The following FZR1 variants were observed in gnomAD, a reference collection of about 807,000 sequenced individuals.
FZR1 encodes fizzy and cell division cycle 20 related 1.
A neutral mutation model predicts 63.6 loss-of-function variants in FZR1; 11 were observed. The ratio of observed to expected loss-of-function variants is 0.17; its 90% confidence interval spans 0.11 to 0.29. The LOEUF is 0.29. FZR1 is among the 10% of genes least tolerant of loss of function. FZR1 has a pLI of 1.00. For synonymous variants in FZR1, 328 were observed against 297.9 expected (o/e 1.10, Z -1.04); for missense variants, 440 against 687.5 (o/e 0.64, Z 4.03).
Position 3,535,121 on chromosome 19 carries a change from T to C in FZR1, c.*285T>C. 2 of 504,726 alleles carry C rather than the reference T, an allele frequency of 4.0e-6. No individual in the cohort carries two copies. The highest frequency in any genetic ancestry group is 7.2e-6 in the Non-Finnish European group (2 of 278,070). 31.3% of individuals were successfully genotyped at this position (504,726 alleles called of 1,614,324 possible). On this transcript the variant is annotated 3_prime_UTR_variant, in exon 14 of 14. Coordinates refer to ENST00000441788, the MANE Select transcript of FZR1 (RefSeq NM_016263.4). ...TTGGACGGTCCCGGCTCAGACCGTCTGTACTCAGAGCGACGGATGCCCCCT... is the reference window on the plus strand; with the variant it reads ...TTGGACGGTCCCGGCTCAGACCGTCCGTACTCAGAGCGACGGATGCCCCCT...
rs548619312 is a variant in FZR1 at position 3,531,377 on chromosome 19, G to A, written c.721-337G>A. 5.3e-5 allele frequency among the ~76,000 whole-genome samples: 8 copies of A among 152,316 alleles called. No homozygotes were observed. In the East Asian group the frequency reaches 5.8e-4, roughly 11 times the overall value. On this transcript the variant is annotated intron_variant, in intron 8 of 13. Coordinates refer to ENST00000441788, the MANE Select transcript of FZR1 (RefSeq NM_016263.4). ...CTCAAAGTCAGTTGCAGACAGCAAC[G>A]CATGTTGCCCAGCTCCTGGGCCTGT...
At chr19:3,530,893 C>G (rs773183764) in intron 8 of FZR1, 36 bp downstream of exon 8, 2 of 1,530,120 alleles carry the variant, frequency 1.3e-6, no homozygotes, top group Non-Finnish European at 1.8e-6. Flanking sequence ...CCTGGGAGAT[C>G]TGATGGGGCT....
In FZR1 at chr19:3,527,697, G is replaced by C; in HGVS notation, c.537G>C (p.Leu179=). The change falls in exon 7 of 14, where the codon CTG becomes CTC. Residue 179 remains leucine, a synonymous_variant. Transcript: ENST00000441788. ...RKISKIPFKV[L]DAPELQDDFY... ...TCTCCAAGATCCCCTTCAAGGTGCT[G>C]GACGCGCCCGAGCTGCAGGACGACT... The C allele has an allele frequency of 6.2e-7, 1 of 1,612,452 alleles. No individual in the cohort carries two copies.
At position 3,537,240 on chromosome 19, in the gene FZR1, G is replaced by A. The variant is rs556428341; in HGVS notation, c.*2404G>A. On this transcript the variant is annotated 3_prime_UTR_variant, in exon 14 of 14. Transcript: ENST00000441788. ...GAGGAGGTGGAGGGGCCCCAGGGGAGTGTACGTCAGGCTTTGCGGGGCACG... is the reference window on the plus strand; with the variant it reads ...GAGGAGGTGGAGGGGCCCCAGGGGAATGTACGTCAGGCTTTGCGGGGCACG... The A allele has an allele frequency of 6.6e-6, 1 of 152,514 alleles. No homozygotes were observed. The highest frequency in any genetic ancestry group is 2.1e-4 in the South Asian group (1 of 4,836). The allele number at this position is 152,514 out of a possible 1,614,324, so 9.4% of individuals were successfully genotyped here.
chr19:3,507,549 C>G (rs2082993739), intron 1 of FZR1, among the ~76,000 whole-genome samples: 1 of 152,168 alleles, frequency 6.6e-6, no homozygotes, highest in Admixed American at 6.5e-5. Flanking sequence ...CCGCCCCAGT[C>G]TACCGGGCGA....
chr19:3,523,963 G>A (rs1458456890), intron 2 of FZR1, among the ~76,000 whole-genome samples: 1 of 152,240 alleles, frequency 6.6e-6, no homozygotes, highest in Non-Finnish European at 1.5e-5. Flanking sequence ...GCCCCCACAG[G>A]GCAGAGCCAG....
At chr19:3,532,306 A>G (rs985116833) in intron 10 of FZR1, 111 bp from the exon 11 acceptor site, 25 of 894,288 alleles carry the variant, frequency 2.8e-5, no homozygotes, top group Non-Finnish European at 3.8e-5. Flanking sequence ...TTGAGGGAGC[A>G]GCAGGAGGAG....
rs893787793 is a variant in FZR1, at chr19:3,520,705, C to T, written c.-34-2251C>T. The stretch of plus-strand genomic sequence containing the variant: ...GGCTCTTGCAGAAGAAACAGCCCTG[C>T]GGTTGATCCTATCTCCAACCCCAGG... On this transcript the variant is annotated intron_variant, in intron 1 of 13. Coordinates refer to ENST00000441788, the MANE Select transcript of FZR1 (RefSeq NM_016263.4). Among the ~76,000 whole-genome samples, 5 of 152,234 alleles carry T rather than the reference C, an allele frequency of 3.3e-5. No homozygotes were observed. In the South Asian group the frequency reaches 6.2e-4, roughly 19 times the overall value.
Position 3,523,008 on chromosome 19 carries a change from C to CGGCG in FZR1, c.20_23dup (p.Leu9AlafsTer11). The CGGCG allele has an allele frequency of 6.2e-7, 1 of 1,611,440 alleles. No individual in the cohort carries two copies. Among genetic ancestry groups the CGGCG allele is most frequent in the Non-Finnish European group, 8.5e-7 (1 of 1,178,680 alleles). On this transcript the variant is annotated frameshift_variant, in exon 2 of 14. Transcript: ENST00000441788. LOFTEE classifies it high-confidence loss of function. ...CCTCGCCATGGACCAGGACTATGAG[C>CGGCG]GGCGCCTGCTTCGCCAGATCGTCAT...
Position 3,522,989 on chromosome 19 carries a change from C to T in FZR1, c.-1C>T. ...TGCCGCGGGCCGAGCCCTGCCTCGC[C>T]ATGGACCAGGACTATGAGCGGCGCC... On this transcript the variant is annotated 5_prime_UTR_variant, in exon 2 of 14. Transcript: ENST00000441788. 2 of 1,609,982 alleles carry T rather than the reference C, an allele frequency of 1.2e-6. No individual in the cohort carries two copies. The highest frequency in any genetic ancestry group is 2.2e-5 in the East Asian group (1 of 44,850).
chr19:3,507,865 C>T (rs1348723957), intron 1 of FZR1, among the ~76,000 whole-genome samples: 22 of 152,262 alleles, frequency 1.4e-4, no homozygotes, highest in Admixed American at 1.4e-3. Context: ...ATTGTCATTT[C>T]CTTCGGAATC....
At chr19:3,524,483 A>G (rs2083133013) in intron 2 of FZR1, among the ~76,000 whole-genome samples, 1 of 152,156 alleles carries the variant, frequency 6.6e-6, no homozygotes, top group Non-Finnish European at 1.5e-5. Flanking sequence ...CTGTGGAGAG[A>G]CAGCCCTGGA....
At chr19:3,509,868 T>A (rs1050776172) in intron 1 of FZR1, among the ~76,000 whole-genome samples, 5 of 152,192 alleles carry the variant, frequency 3.3e-5, no homozygotes, top group African/African-American at 1.2e-4. Context: ...ACGTTGGTGC[T>A]GTTTCCAGTG....
Position 3,526,464 on chromosome 19 carries a change from T to G in FZR1, c.387+78T>G. 1 of 1,217,828 alleles carries G rather than the reference T, an allele frequency of 8.2e-7. No individual in the cohort carries two copies. The highest frequency in any genetic ancestry group is 1.2e-6 in the Non-Finnish European group (1 of 868,926). 75.4% of individuals were successfully genotyped at this position (1,217,828 alleles called of 1,614,324 possible). On this transcript the variant is annotated intron_variant, in intron 5 of 13. Coordinates refer to ENST00000441788, the MANE Select transcript of FZR1 (RefSeq NM_016263.4). The surrounding 1 kb of genome is among the most constrained non-coding windows in gnomAD (Gnocchi z 5.4). ...GGCCCCCCACCTCCCAGGCACCAGCTCTGCCTCCCCGAGCCCGGTTCTCGG... is the reference window on the plus strand; with the variant it reads ...GGCCCCCCACCTCCCAGGCACCAGCGCTGCCTCCCCGAGCCCGGTTCTCGG...
rs1160145563 is a variant in FZR1, at chr19:3,523,037, G to C, written c.48G>C (p.Gln16His). 1 of 1,609,714 alleles carries C rather than the reference G, an allele frequency of 6.2e-7. No homozygotes were observed. The highest frequency in any genetic ancestry group is 2.2e-5 in the East Asian group (1 of 44,840). Residue 16 changes from glutamine (Q) to histidine (H), a missense_variant, in exon 2 of 14, where the codon CAG becomes CAC. By Grantham distance (24) the Gln-to-His change is conservative (BLOSUM62 0). Transcript: ENST00000441788. ...ERRLLRQIVI[Q>H]NENTMPRVTE... ...GCCTGCTTCGCCAGATCGTCATCCA[G>C]AATGAGAACACGATGCCACGCGTGA...
At chr19:3,529,701 C>CGGATGGGAGAGT (rs2083212728) in intron 7 of FZR1, among the ~76,000 whole-genome samples, 1 of 106,576 alleles carries the variant, frequency 9.4e-6, no homozygotes, top group African/African-American at 3.4e-5. Flanking sequence ...GATGGTTGAG[C>CGGATGGGAGAGT]GGATGGGAGA....
rs2030067608 is a variant in FZR1, at chr19:3,538,260, G to A, written c.*3424G>A. 1 of 165,900 alleles carries A rather than the reference G, an allele frequency of 6.0e-6. No individual in the cohort carries two copies. The highest frequency in any genetic ancestry group is 1.4e-4 in the South Asian group (1 of 7,142). The allele number at this position is 165,900 out of a possible 1,614,324, so 10.3% of individuals were successfully genotyped here. On this transcript the variant is annotated 3_prime_UTR_variant, in exon 14 of 14. Transcript: ENST00000441788. ...AGGGCAGGGCAGGAGGTTTCTGGAT[G>A]TTTGTTGGGTTTGGTTTGGTTTTGT...
intron 1 of FZR1, among the ~76,000 whole-genome samples, chr19:3,517,667 A>G (rs2083068338): frequency 6.6e-6 from 1 of 151,768 alleles, no homozygotes; most frequent in African/African-American, 2.4e-5. Flanking sequence ...CAGCCTGGGC[A>G]AAAAGAGTGA....
chr19:3,521,644 G>C (rs2083102596), intron 1 of FZR1, among the ~76,000 whole-genome samples: 1 of 152,202 alleles, frequency 6.6e-6, no homozygotes, highest in Non-Finnish European at 1.5e-5. Context: ...TGGGATTACA[G>C]GCATGTGCCA....
Sources: gnomAD v4.1 joint callset for allele counts (sites outside exome capture counted in the v4.1 genomes callset) on GRCh38, gnomAD v4.1.1 for gene constraint, Gnocchi (gnomAD v3.1) non-coding constraint, MANE v1.5 for transcripts, NCBI Gene and HGNC (gene_info 2026-07-23, HGNC 2026-07-21) for gene names.